Variants in ODF2L observed in about 807,000 individuals in gnomAD.
The protein encoded by ODF2L is outer dense fiber of sperm tails 2 like, also known as protein BCAP.
Under a neutral mutation model 86.3 loss-of-function variants are expected in ODF2L, and 76 were observed. That is an observed-to-expected ratio of 0.88 (90% CI 0.73 to 1.07). The LOEUF (loss-of-function observed/expected upper bound fraction) is 1.07, where lower values mean the gene tolerates loss of function less well. Among genes scored for constraint, ODF2L ranks in the 50% least tolerant of loss-of-function variants. ODF2L has a pLI of 0.00. For missense variants in ODF2L, 748 were observed against 717.4 expected, an observed-to-expected ratio of 1.04 and a Z score of -0.49; for synonymous variants, 241 against 231.3, an observed-to-expected ratio of 1.04 and a Z score of -0.38.
intron 11 of ODF2L, among the ~76,000 whole-genome samples, chr1:86,368,380 G>A (rs1431278445): frequency 1.3e-5 from 2 of 151,968 alleles, no homozygotes; most frequent in African/African-American, 4.8e-5. Context: ...CGACTAATTA[G>A]AAGGTTAATA....
exon 15 of ODF2L, chr1:86,354,811 T>A (rs1658414380): frequency 6.2e-7 from 1 of 1,608,134 alleles, no homozygotes; most frequent in African/African-American, 1.3e-5. Context: ...ATAAGACAGT[T>A]TTCCTCTTCC....
intron 11 of ODF2L, among the ~76,000 whole-genome samples, chr1:86,364,011 TTAAA>T (rs530455952): frequency 6.6e-6 from 1 of 152,270 alleles, no homozygotes; most frequent in South Asian, 2.1e-4. Flanking sequence ...CCAAACTTAT[TTAAA>T]TGTTTTCCTT....
At chr1:86,364,934 T>A (rs1464434925) in intron 11 of ODF2L, among the ~76,000 whole-genome samples, 2 of 152,242 alleles carry the variant, frequency 1.3e-5, no homozygotes, top group African/African-American at 4.8e-5. Context: ...TAAGACTTGC[T>A]GAAATATAAA....
In ODF2L at chr1:86,354,708, A is replaced by T; in HGVS notation, c.1605-16T>A. The T allele has an allele frequency of 1.3e-6, 2 of 1,588,632 alleles. No homozygotes were observed. Reference sequence around the variant, plus strand: ...TTCTAATTTTCTTTTTACAGAAAACATATATTTTAAAATGTTAATGTGCAG... The same window carrying T: ...TTCTAATTTTCTTTTTACAGAAAACTTATATTTTAAAATGTTAATGTGCAG... On this transcript the variant is annotated splice_polypyrimidine_tract_variant and intron_variant, in intron 15 of 17. Transcript: ENST00000317336.
intron 13 of ODF2L, chr1:86,357,945 A>T (rs1658714189): frequency 2.0e-6 from 2 of 985,260 alleles, no homozygotes; most frequent in Non-Finnish European, 2.4e-6. Context: ...AAAAGACATG[A>T]AATGGTTTAT....
chr1:86,378,328 T>C (rs1660316952), intron 7 of ODF2L, among the ~76,000 whole-genome samples: 1 of 152,184 alleles, frequency 6.6e-6, no homozygotes, highest in Non-Finnish European at 1.5e-5. Flanking sequence ...CTCAACACCA[T>C]TCAACAAGCC....
intron 7 of ODF2L, among the ~76,000 whole-genome samples, chr1:86,376,858 T>C (rs904984629): frequency 2.6e-4 from 39 of 152,168 alleles, no homozygotes; most frequent in African/African-American, 2.4e-5. Flanking sequence ...AAAATGAGAT[T>C]TGGGTGGGGC....
chr1:86,385,687 C>T (rs1660905737), intron 2 of ODF2L, 97 bp from the exon 3 acceptor site: 2 of 827,026 alleles, frequency 2.4e-6, no homozygotes, highest in East Asian at 5.4e-5. Flanking sequence ...CTCTTAATAG[C>T]AAGGACAACT....
Position 86,388,966 on chromosome 1 carries a change from G to C in ODF2L, c.-59-1880C>G, listed in dbSNP as rs555848978. ...CAAGGAAGAGAACTATTTGTCTCAG[G>C]AATTTCCATGAAAATTATCAACAGT... On this transcript the variant is annotated intron_variant, in intron 1 of 17. Coordinates refer to ENST00000317336, the Ensembl canonical transcript of ODF2L. Among the ~76,000 whole-genome samples, 9 of 152,074 alleles carry C rather than the reference G, an allele frequency of 5.9e-5. No homozygotes were observed. In the South Asian group the frequency reaches 8.3e-4, roughly 14 times the overall value.
At chr1:86,367,843 T>A (rs1160710676) in intron 11 of ODF2L, among the ~76,000 whole-genome samples, 1 of 152,166 alleles carries the variant, frequency 6.6e-6, no homozygotes, top group East Asian at 1.9e-4. Flanking sequence ...ACAGAAAATA[T>A]CCTTATTTTC....
intron 6 of ODF2L, 123 bp downstream of exon 6, chr1:86,382,808 A>G: frequency 1.6e-6 from 1 of 641,778 alleles, no homozygotes; most frequent in South Asian, 1.8e-5. Context: ...AAATATCCAA[A>G]TAATCTAGAA....
chr1:86,377,765 A>G (rs1250904106), intron 7 of ODF2L, among the ~76,000 whole-genome samples: 44 of 152,250 alleles, frequency 2.9e-4, no homozygotes, highest in Non-Finnish European at 1.5e-5. Context: ...CCAAGACTGT[A>G]CAAAGCAGCA....
intron 3 of ODF2L, 25 bp from the exon 4 acceptor site, chr1:86,384,826 C>A: frequency 6.8e-7 from 1 of 1,476,864 alleles, no homozygotes; most frequent in Non-Finnish European, 9.0e-7. Context: ...GAACCACATA[C>A]ACATTTTAAG....
At chr1:86,358,472 A>G (rs936797594) in intron 13 of ODF2L, 1 of 156,744 alleles carries the variant, frequency 6.4e-6, no homozygotes, top group Non-Finnish European at 1.4e-5. Context: ...TAAAAATGAG[A>G]GATACTTAGG....
At chr1:86,351,609 GT>G (rs1570339696) in exon 18 of ODF2L, 1 of 152,472 alleles carries the variant, frequency 6.6e-6, no homozygotes, top group Non-Finnish European at 1.5e-5. Context: ...ATTTGAAGTA[GT>G]TTTTTCTAAT....
intron 12 of ODF2L, among the ~76,000 whole-genome samples, chr1:86,359,477 G>GGCCCACACTTTGGC (rs1658860383): frequency 1.3e-5 from 2 of 149,190 alleles, no homozygotes; most frequent in Non-Finnish European, 3.0e-5. Flanking sequence ...CTTCCTACTT[G>GGCCCACACTTTGGC]CCCACACTTT....
chr1:86,394,965 CG>C (rs1404511093), intron 1 of ODF2L, among the ~76,000 whole-genome samples: 4 of 151,768 alleles, frequency 2.6e-5, no homozygotes, highest in African/African-American at 9.7e-5. Flanking sequence ...CTCAGCCTCC[CG>C]AGTAGCTGGG....
exon 7 of ODF2L, chr1:86,382,247 C>G: frequency 6.2e-7 from 1 of 1,608,180 alleles, no homozygotes; most frequent in East Asian, 2.2e-5. Flanking sequence ...ATAACCTTTA[C>G]ATATTCTTTC....
At chr1:86,359,284 G>T (rs1181439425) in intron 12 of ODF2L, among the ~76,000 whole-genome samples, 2 of 150,954 alleles carry the variant, frequency 1.3e-5, no homozygotes, top group African/African-American at 4.9e-5. Context: ...CCAGAATATG[G>T]TCACTCAACC....
Sources: allele counts gnomAD v4.1 joint callset (sites outside exome capture counted in the v4.1 genomes callset), GRCh38; gene constraint gnomAD v4.1.1; transcripts MANE v1.5; gene names NCBI Gene and HGNC (gene_info 2026-07-23, HGNC 2026-07-21).